DIAPH3: variants seen among roughly 807,000 people sequenced by gnomAD.
DIAPH3 encodes the protein diaphanous related formin 3, also known as protein diaphanous homolog 3.
In DIAPH3, 117 loss-of-function variants were observed where a neutral mutation model predicts 144.3. The ratio of observed to expected loss-of-function variants is 0.81; its 90% confidence interval spans 0.70 to 0.95. The LOEUF is 0.95. Among genes scored for constraint, DIAPH3 ranks in the 40% least tolerant of loss-of-function variants. DIAPH3 has a pLI of 0.00. For missense variants in DIAPH3, 1,421 were observed against 1,412.7 expected (o/e 1.01, Z -0.09); for synonymous variants, 519 against 488.9 (o/e 1.06, Z -0.81).
chr13:59,942,018 CATA>C (rs2048561083), intron 17 of DIAPH3, among the ~76,000 whole-genome samples: 1 of 152,160 alleles, frequency 6.6e-6, no homozygotes, highest in Admixed American at 6.5e-5. Context: ...CCCAAATACT[CATA>C]ATGATTTCTC....
intron 27 of DIAPH3, among the ~76,000 whole-genome samples, chr13:59,735,421 T>C (rs2036094870): frequency 6.6e-6 from 1 of 152,142 alleles, no homozygotes; most frequent in Non-Finnish European, 1.5e-5. Flanking sequence ...TGGCAAAAAA[T>C]ATTTAATAAA....
intron 27 of DIAPH3, among the ~76,000 whole-genome samples, chr13:59,710,955 C>CA (rs2034701778): frequency 6.6e-6 from 1 of 152,162 alleles, no homozygotes; most frequent in African/African-American, 2.4e-5. Flanking sequence ...CAAAAACACT[C>CA]AGAGGATGTA....
intron 17 of DIAPH3, among the ~76,000 whole-genome samples, chr13:59,925,166 C>T (rs1186371663): frequency 6.6e-6 from 1 of 152,022 alleles, no homozygotes; most frequent in African/African-American, 2.4e-5. Context: ...AGAATAACTA[C>T]AATTAGCTCA....
intron 22 of DIAPH3, among the ~76,000 whole-genome samples, chr13:59,844,460 C>T (rs745714207): frequency 3.0e-4 from 45 of 149,184 alleles, no homozygotes; most frequent in Middle Eastern, 6.9e-3. Context: ...GCTGAGATCG[C>T]GCCACTGCAC....
intron 9 of DIAPH3, among the ~76,000 whole-genome samples, chr13:60,007,092 C>T (rs1448369996): frequency 6.6e-6 from 1 of 151,984 alleles, no homozygotes; most frequent in African/African-American, 2.4e-5. Context: ...CGCTCAGTCA[C>T]CCAGGCTGGA....
intron 25 of DIAPH3, among the ~76,000 whole-genome samples, chr13:59,797,817 T>A (rs1371109096): frequency 6.6e-6 from 1 of 152,172 alleles, no homozygotes; most frequent in Non-Finnish European, 1.5e-5. Flanking sequence ...GAGCTAAACA[T>A]GGTTTATTTT....
intron 8 of DIAPH3, 63 bp from the exon 9 acceptor site, chr13:60,008,712 CT>C: frequency 9.8e-7 from 1 of 1,022,336 alleles, no homozygotes; most frequent in Non-Finnish European, 1.6e-6. Context: ...AATACAATTG[CT>C]TTATCCTACT....
chr13:59,836,803 T>G (rs967602862), intron 23 of DIAPH3, among the ~76,000 whole-genome samples: 1 of 152,006 alleles, frequency 6.6e-6, no homozygotes, highest in Admixed American at 6.6e-5. Context: ...TGTACCTCGA[T>G]GAATAAGCAT....
intron 3 of DIAPH3, among the ~76,000 whole-genome samples, chr13:60,101,585 C>A (rs1476728247): frequency 6.6e-6 from 1 of 151,760 alleles, no homozygotes; most frequent in Non-Finnish European, 1.5e-5. Flanking sequence ...CGGTCCAAGA[C>A]AAGTCTTCTT....
At chr13:59,827,018 T>A (rs1240584986) in intron 24 of DIAPH3, among the ~76,000 whole-genome samples, 1 of 152,154 alleles carries the variant, frequency 6.6e-6, no homozygotes, top group African/African-American at 2.4e-5. Flanking sequence ...TTACACCTTA[T>A]ACAAAAATTA....
chr13:59,860,607 G>A (rs1345118977), intron 22 of DIAPH3, among the ~76,000 whole-genome samples: 4 of 151,884 alleles, frequency 2.6e-5, no homozygotes, highest in Non-Finnish European at 4.4e-5. Context: ...GCATGGAGGC[G>A]GGTGCCTGTA....
intron 27 of DIAPH3, among the ~76,000 whole-genome samples, chr13:59,711,235 C>G (rs2034718479): frequency 6.6e-6 from 1 of 152,128 alleles, no homozygotes; most frequent in Non-Finnish European, 1.5e-5. Context: ...AACAATGGAG[C>G]CCAACCACAT....
chr13:60,066,747 C>A (rs1322347360), intron 4 of DIAPH3, among the ~76,000 whole-genome samples: 1 of 152,178 alleles, frequency 6.6e-6, no homozygotes, highest in Non-Finnish European at 1.5e-5. Flanking sequence ...ATGGCACATG[C>A]CATATGAATT....
chr13:60,122,376 T>TG, intron 2 of DIAPH3, among the ~76,000 whole-genome samples: 1 of 152,330 alleles, frequency 6.6e-6, no homozygotes, highest in Non-Finnish European at 1.5e-5. Flanking sequence ...CTGAGTTAGA[T>TG]GCTCAAAGAC....
intron 25 of DIAPH3, among the ~76,000 whole-genome samples, chr13:59,801,454 T>C (rs1012884901): frequency 6.6e-6 from 1 of 152,122 alleles, no homozygotes; most frequent in Non-Finnish European, 1.5e-5. Context: ...TTTACAAGAG[T>C]TCCTGCCTGA....
intron 22 of DIAPH3, among the ~76,000 whole-genome samples, chr13:59,842,310 T>A (rs1221853324): frequency 3.3e-5 from 5 of 152,160 alleles, no homozygotes; most frequent in Admixed American, 2.0e-4. Context: ...AATTTTATTA[T>A]GCACACATGT....
intron 4 of DIAPH3, among the ~76,000 whole-genome samples, chr13:60,084,389 A>T (rs986732013): frequency 1.3e-5 from 2 of 151,980 alleles, no homozygotes; most frequent in Non-Finnish European, 2.9e-5. Flanking sequence ...CTATGGCATT[A>T]ATGTGGGAAA....
chr13:59,837,442 A>G (rs1238884493), intron 23 of DIAPH3, among the ~76,000 whole-genome samples: 4 of 151,852 alleles, frequency 2.6e-5, no homozygotes, highest in Non-Finnish European at 4.4e-5. Context: ...TACAACCTTT[A>G]CTCCAAGCTC....
chr13:59,686,223 T>C lies in DIAPH3; in HGVS notation c.3320-19377A>G, dbSNP rs541173304. 2.6e-5 allele frequency among the ~76,000 whole-genome samples: 4 copies of C among 152,146 alleles called. No individual in the cohort carries two copies. The South Asian group carries it at 8.3e-4, about 32-fold the overall frequency. ...AGAAAATGTGGCACTCAGTCATTCA[T>C]CTTTTTTTCTGAAACAAAGGGAACC... On this transcript the variant is annotated intron_variant, in intron 27 of 27. Coordinates refer to ENST00000400324, the MANE Select transcript of DIAPH3 (RefSeq NM_001042517.2).
Sources: allele counts gnomAD v4.1 joint callset (sites outside exome capture counted in the v4.1 genomes callset), GRCh38; gene constraint gnomAD v4.1.1; transcripts MANE v1.5; gene names NCBI Gene and HGNC (gene_info 2026-07-23, HGNC 2026-07-21).